Variants in EFCAB6 observed in about 807,000 individuals in gnomAD.
The protein encoded by EFCAB6 is EF-hand calcium-binding domain-containing protein 6.
Under a neutral mutation model 169.8 loss-of-function variants are expected in EFCAB6, and 156 were observed. That is an observed-to-expected ratio of 0.92 (90% CI 0.81 to 1.05). The LOEUF is 1.05. EFCAB6 is among the 50% of genes least tolerant of loss of function. EFCAB6 has a pLI of 0.00. For synonymous variants in EFCAB6, 698 were observed against 676.4 expected (o/e 1.03, Z -0.50); for missense variants, 1,800 against 1,829.1 (o/e 0.98, Z 0.29).
chr22:43,579,493 T>C (rs2050543920), intron 25 of EFCAB6, among the ~76,000 whole-genome samples: 1 of 149,834 alleles, frequency 6.7e-6, no homozygotes, highest in Admixed American at 6.6e-5. Context: ...CATGTAGGCA[T>C]CATTGCTTAC....
chr22:43,614,118 G>T lies in EFCAB6; in HGVS notation c.2562+1708C>A, dbSNP rs184585285. ...AAATCACAATCCCAGCAAATTGTTT[G>T]GTAGAGATCCATAAACTTATTCTAG... is the stretch of plus-strand genomic sequence containing the variant. On this transcript the variant is annotated intron_variant, in intron 21 of 31. Coordinates refer to ENST00000262726, the MANE Select transcript of EFCAB6 (RefSeq NM_022785.4). Among the ~76,000 whole-genome samples, 272 of 129,054 alleles carry T rather than the reference G, an allele frequency of 2.1e-3. 1 individual carries two copies. The Middle Eastern group carries it at 0.035, about 17-fold the overall frequency. 84.7% of individuals were successfully genotyped at this position (129,054 alleles called of 152,430 possible). A position where few individuals can be genotyped will look rare whatever the true frequency, so the allele number is the denominator to read the frequency against.
Position 43,635,067 on chromosome 22 carries a change from G to T in EFCAB6, c.2098+35C>A, listed in dbSNP as rs756661953. The T allele has an allele frequency of 1.9e-6, 3 of 1,551,798 alleles. No individual in the cohort carries two copies. In the South Asian group the frequency reaches 3.3e-5, roughly 17 times the overall value. On this transcript the variant is annotated intron_variant, in intron 18 of 31. Transcript: ENST00000262726. ...AAAGACATGCAGTGTCACCCAGGACGCATCCCACAGGGTGTGGACTTGGCC... is the reference window on the plus strand; with the variant it reads ...AAAGACATGCAGTGTCACCCAGGACTCATCCCACAGGGTGTGGACTTGGCC...
At chr22:43,784,712 C>T (rs999697820) in intron 2 of EFCAB6, among the ~76,000 whole-genome samples, 6 of 131,594 alleles carry the variant, frequency 4.6e-5, no homozygotes, top group African/African-American at 1.4e-4. Flanking sequence ...CACACACACA[C>T]ACACACATAT....
chr22:43,576,263 CAA>C lies in EFCAB6; in HGVS notation c.3420+32_3420+33del. 3 of 1,539,682 alleles carry C rather than the reference CAA, an allele frequency of 1.9e-6. No individual in the cohort carries two copies. In the East Asian group the frequency reaches 7.1e-5, roughly 37 times the overall value. On this transcript the variant is annotated intron_variant, in intron 26 of 31. Transcript: ENST00000262726. ...GTAAAAACTAATTTTAGCTCATTTT[CAA>C]AGAGATGCTTATGTGCTGCAGACAT...
intron 17 of EFCAB6, among the ~76,000 whole-genome samples, chr22:43,649,448 T>C (rs896362927): frequency 6.6e-6 from 1 of 152,156 alleles, no homozygotes; most frequent in Admixed American, 6.5e-5. Flanking sequence ...CCACTAGAAA[T>C]GTGAAACATT....
intron 10 of EFCAB6, among the ~76,000 whole-genome samples, chr22:43,689,634 G>A (rs2058334253): frequency 2.0e-5 from 3 of 152,182 alleles, no homozygotes; most frequent in Non-Finnish European, 4.4e-5. Context: ...CCAGTCAAAT[G>A]AGAACTTTCA....
At chr22:43,779,557 T>C (rs183446596) in intron 3 of EFCAB6, among the ~76,000 whole-genome samples, 1 of 152,214 alleles carries the variant, frequency 6.6e-6, no homozygotes, top group Non-Finnish European at 1.5e-5. Context: ...CTGGCCAACA[T>C]GGTGAAACAC....
At chr22:43,615,558 AT>A (rs753832338) in intron 21 of EFCAB6, among the ~76,000 whole-genome samples, 10 of 152,222 alleles carry the variant, frequency 6.6e-5, no homozygotes, top group Non-Finnish European at 1.3e-4. Context: ...AACCAAATAA[AT>A]TTTTAATTCA....
At chr22:43,682,084 C>T (rs2058027734) in intron 12 of EFCAB6, among the ~76,000 whole-genome samples, 3 of 152,176 alleles carry the variant, frequency 2.0e-5, no homozygotes, top group Admixed American at 6.5e-5. Context: ...CAGCCCTGCC[C>T]ACTCCTGGCT....
chr22:43,567,600 G>C (rs370905731), intron 26 of EFCAB6, among the ~76,000 whole-genome samples: 22 of 152,290 alleles, frequency 1.4e-4, no homozygotes, highest in South Asian at 1.2e-3. Context: ...TGCTCAGGAA[G>C]GGAGCGGGGA....
At chr22:43,708,001 A>G (rs2059015999) in intron 10 of EFCAB6, among the ~76,000 whole-genome samples, 1 of 151,962 alleles carries the variant, frequency 6.6e-6, no homozygotes, top group Admixed American at 6.6e-5. Flanking sequence ...AACACGTGAA[A>G]ATTTTAAGGA....
At chr22:43,786,273 G>A (rs1029473498) in intron 2 of EFCAB6, among the ~76,000 whole-genome samples, 2 of 151,992 alleles carry the variant, frequency 1.3e-5, no homozygotes, top group African/African-American at 4.8e-5. Flanking sequence ...TGAGGCAGAA[G>A]AATCGCTTGA....
intron 7 of EFCAB6, among the ~76,000 whole-genome samples, chr22:43,734,817 A>G (rs1404614258): frequency 6.6e-6 from 1 of 152,142 alleles, no homozygotes; most frequent in African/African-American, 2.4e-5. Flanking sequence ...CTGCAGCATC[A>G]GTGACATGTC....
chr22:43,625,896 G>A (rs1478304947), intron 20 of EFCAB6, among the ~76,000 whole-genome samples: 1 of 152,226 alleles, frequency 6.6e-6, no homozygotes, highest in Admixed American at 6.5e-5. Context: ...TTGGTGCACG[G>A]CCCTCCGCCT....
intron 13 of EFCAB6, among the ~76,000 whole-genome samples, chr22:43,675,945 A>G (rs2057737629): frequency 6.6e-6 from 1 of 152,042 alleles, no homozygotes; most frequent in South Asian, 2.1e-4. Flanking sequence ...AAAGATGTCC[A>G]GCATAATATA....
intron 2 of EFCAB6, among the ~76,000 whole-genome samples, chr22:43,805,461 A>C (rs1433729663): frequency 6.6e-6 from 1 of 152,184 alleles, no homozygotes; most frequent in African/African-American, 2.4e-5. Flanking sequence ...CAAAAAGAAG[A>C]ATGTTGCATG....
At position 43,591,222 on chromosome 22, in the gene EFCAB6, C is replaced by T. The variant is rs547705153; in HGVS notation, c.2877-993G>A. On this transcript the variant is annotated intron_variant, in intron 23 of 31. Transcript: ENST00000262726. ...CCCACAATCCCAACACTTCGGGAGGCTGCGGTGGGTAGATCACGAGGTCAG... is the reference window on the plus strand; with the variant it reads ...CCCACAATCCCAACACTTCGGGAGGTTGCGGTGGGTAGATCACGAGGTCAG... Among the ~76,000 whole-genome samples the T allele has an allele frequency of 4.0e-5, 6 of 150,172 alleles. No homozygotes were observed. In the East Asian group the frequency reaches 1.2e-3, roughly 29 times the overall value.
At chr22:43,644,496 T>A (rs960166680) in intron 17 of EFCAB6, among the ~76,000 whole-genome samples, 1 of 152,180 alleles carries the variant, frequency 6.6e-6, no homozygotes, top group Non-Finnish European at 1.5e-5. Context: ...CTAAATCTTC[T>A]CTCTGATCCC....
At chr22:43,682,309 G>A (rs141791979) in intron 12 of EFCAB6, among the ~76,000 whole-genome samples, 45 of 152,272 alleles carry the variant, frequency 3.0e-4, no homozygotes, top group African/African-American at 1.1e-3. Flanking sequence ...CCAGCACGGG[G>A]GCCCAGCATG....
Sources: gnomAD v4.1 joint callset for allele counts (sites outside exome capture counted in the v4.1 genomes callset) on GRCh38, gnomAD v4.1.1 for gene constraint, MANE v1.5 for transcripts, NCBI Gene and HGNC (gene_info 2026-07-23, HGNC 2026-07-21) for gene names.